The following HEATR4 variants were observed in gnomAD, a reference collection of about 807,000 sequenced individuals.
The protein encoded by HEATR4 is HEAT repeat containing 4.
A neutral mutation model predicts 108.8 loss-of-function variants in HEATR4; 95 were observed. The ratio of observed to expected loss-of-function variants is 0.87; its 90% CI spans 0.74 to 1.04. The LOEUF (loss-of-function observed/expected upper bound fraction) is 1.04. HEATR4 is among the 50% of genes least tolerant of loss of function. HEATR4 has a pLI of 0.00. For synonymous variants in HEATR4, 443 were observed against 459.4 expected, an observed-to-expected ratio of 0.96 and a Z score of 0.46; for missense variants, 1,152 against 1,253.8, an observed-to-expected ratio of 0.92 and a Z score of 1.23.
Position 73,499,148 on chromosome 14 carries a change from G to A in HEATR4, c.2287-8C>T. On this transcript the variant is annotated splice_polypyrimidine_tract_variant and splice_region_variant and intron_variant, in intron 12 of 17. Coordinates refer to ENST00000553558, the MANE Select transcript of HEATR4 (RefSeq NM_001220484.1). ...CAGGAGGCATTCAAGCACCTGGGATGGAAAAGGCAGTGTTGAGTGGGGAGG... is the reference window on the plus strand; with the variant it reads ...CAGGAGGCATTCAAGCACCTGGGATAGAAAAGGCAGTGTTGAGTGGGGAGG... 1 of 1,613,630 alleles carries A rather than the reference G, an allele frequency of 6.2e-7. No homozygotes were observed. Among genetic ancestry groups the A allele is most frequent in the Non-Finnish European group, 8.5e-7 (1 of 1,179,542 alleles).
rs769044222 is a variant in HEATR4, at chr14:73,541,111, G to A, written c.-151-10867C>T. Among the ~76,000 whole-genome samples, 38 of 113,820 alleles carry A rather than the reference G, an allele frequency of 3.3e-4. 12 individuals carry two copies. The highest frequency in any genetic ancestry group is 5.9e-4 in the Non-Finnish European group (31 of 52,644). 74.7% of individuals were successfully genotyped at this position (113,820 alleles called of 152,430 possible). A position where few individuals can be genotyped will look rare whatever the true frequency, so the allele number is the denominator to read the frequency against. On this transcript the variant is annotated intron_variant, in intron 1 of 17. Transcript: ENST00000553558. ...TGTAAATGATAAAAATATTCAGTAA[G>A]TGGAGTCATTCAGAATGAGTAGCCT... is the stretch of plus-strand genomic sequence containing the variant.
the HEATR4 span, among the ~76,000 whole-genome samples, chr14:73,610,531 T>C: frequency 6.6e-6 from 1 of 152,102 alleles, no homozygotes; most frequent in Non-Finnish European, 1.5e-5. Flanking sequence ...CCCCAAGTCA[T>C]CCGCCCCCCT....
the HEATR4 span, chr14:73,591,796 CG>C: frequency 1.6e-6 from 1 of 607,834 alleles, no homozygotes; most frequent in East Asian, 3.5e-5. Context: ...TCCGGAGCGC[CG>C]GGTTAACCGG....
the HEATR4 span, among the ~76,000 whole-genome samples, chr14:73,625,989 A>G: frequency 6.6e-6 from 1 of 152,266 alleles, no homozygotes; most frequent in African/African-American, 2.4e-5. Flanking sequence ...GCTGAAAGCC[A>G]GGCCTCTTCC....
chr14:73,599,211 TGGA>T, the HEATR4 span, among the ~76,000 whole-genome samples: 6 of 152,156 alleles, frequency 3.9e-5, no homozygotes, highest in East Asian at 9.6e-4. Context: ...TAAATCTCGG[TGGA>T]GACTTCACAT....
rs572606057 is a variant in HEATR4 at position 73,499,017 on chromosome 14, G to A, written c.2356+54C>T. 32 of 1,472,908 alleles carry A rather than the reference G, an allele frequency of 2.2e-5. No homozygotes were observed. The African/African-American group carries it at 3.7e-4, about 17-fold the overall frequency. The allele number at this position is 1,472,908 out of a possible 1,614,324, so 91.2% of individuals were successfully genotyped here. A position where few individuals can be genotyped will look rare whatever the true frequency, so the allele number is the denominator to read the frequency against. ...GAGTTTCAGGGGATCATTTCTACTT[G>A]CATAGGCAAAGGTATTTAAGGTTGA... On this transcript the variant is annotated intron_variant, in intron 13 of 17. Coordinates refer to ENST00000553558, the MANE Select transcript of HEATR4 (RefSeq NM_001220484.1).
At chr14:73,587,766 G>C in the HEATR4 span, among the ~76,000 whole-genome samples, 1 of 152,142 alleles carries the variant, frequency 6.6e-6, no homozygotes, top group Non-Finnish European at 1.5e-5. Flanking sequence ...TTGTTTCCAC[G>C]GGACCTCCCA....
Position 73,488,347 on chromosome 14 carries a change from T to C in HEATR4, c.2844+4719A>G, listed in dbSNP as rs148382755. Among the ~76,000 whole-genome samples the C allele has an allele frequency of 2.5e-3, 374 of 152,322 alleles. 1 individual carries two copies. Among genetic ancestry groups the C allele is most frequent in the African/African-American group, 8.7e-3 (363 of 41,578 alleles). Reference sequence around the variant, plus strand: ...GTGCAGTAGCGTGATCTTGACTCACTGCGACCTCCACTTCCCGGGTTCATG... The same window carrying C: ...GTGCAGTAGCGTGATCTTGACTCACCGCGACCTCCACTTCCCGGGTTCATG... On this transcript the variant is annotated intron_variant, in intron 17 of 17. Transcript: ENST00000553558.
chr14:73,502,852 T>G (rs1397208092), intron 11 of HEATR4, 43 bp downstream of exon 11: 1 of 1,500,578 alleles, frequency 6.7e-7, no homozygotes. Flanking sequence ...TAAACACTTC[T>G]AAGAATTTAG....
chr14:73,624,823 A>G, the HEATR4 span, among the ~76,000 whole-genome samples: 1 of 152,182 alleles, frequency 6.6e-6, no homozygotes, highest in East Asian at 1.9e-4. Flanking sequence ...TCATGGGGCT[A>G]TTGTGATTAA....
chr14:73,485,476 C>T (rs1885417354), intron 17 of HEATR4, among the ~76,000 whole-genome samples: 1 of 150,952 alleles, frequency 6.6e-6, no homozygotes, highest in Non-Finnish European at 1.5e-5. Flanking sequence ...CATCTCAGCT[C>T]ACTGCAACCT....
the HEATR4 span, chr14:73,573,595 G>C: frequency 6.2e-7 from 1 of 1,613,728 alleles, no homozygotes; most frequent in African/African-American, 1.3e-5. Flanking sequence ...CCCGAGGTTA[G>C]TTCTTCTTTC....
the HEATR4 span, among the ~76,000 whole-genome samples, chr14:73,591,157 G>A: frequency 6.6e-6 from 1 of 152,136 alleles, no homozygotes; most frequent in Non-Finnish European, 1.5e-5. Context: ...TGAGACAGGA[G>A]GATCACTTGA....
the HEATR4 span, among the ~76,000 whole-genome samples, chr14:73,618,387 G>A: frequency 0.76 from 115,149 of 150,860 alleles, 44,557 homozygotes; most frequent in East Asian, 0.95. Flanking sequence ...TGGGTTCGTC[G>A]GTGTATATAT....
the HEATR4 span, among the ~76,000 whole-genome samples, chr14:73,605,704 G>T: frequency 2.6e-5 from 4 of 151,466 alleles, no homozygotes; most frequent in African/African-American, 9.7e-5. Flanking sequence ...CCAAGTAGCT[G>T]GGATTACAGG....
rs770297221 is a variant in HEATR4, at chr14:73,478,578, G to A, written c.*28C>T. The A allele has an allele frequency of 8.1e-6, 12 of 1,473,834 alleles. No individual in the cohort carries two copies. The South Asian group carries it at 1.0e-4, about 13-fold the overall frequency. 91.3% of individuals were successfully genotyped at this position (1,473,834 alleles called of 1,614,324 possible). On this transcript the variant is annotated 3_prime_UTR_variant, in exon 18 of 18. Coordinates refer to ENST00000553558, the MANE Select transcript of HEATR4 (RefSeq NM_001220484.1). Reference sequence around the variant, plus strand: ...AATGTGACCAGGTCCACTGCTTCCTGCATCTTGAAGTAAGACAAGTGTTCA... The same window carrying A: ...AATGTGACCAGGTCCACTGCTTCCTACATCTTGAAGTAAGACAAGTGTTCA...
At chr14:73,577,432 T>C in the HEATR4 span, among the ~76,000 whole-genome samples, 1 of 137,512 alleles carries the variant, frequency 7.3e-6, no homozygotes, top group African/African-American at 2.7e-5. Context: ...ACACATGACC[T>C]GAGGCTCTGA....
At chr14:73,498,019 G>T in intron 14 of HEATR4, 136 bp downstream of exon 14, 1 of 720,256 alleles carries the variant, frequency 1.4e-6, no homozygotes, top group Non-Finnish European at 2.3e-6. Flanking sequence ...CTACTTGGGT[G>T]AGTGGTGAAT....
At chr14:73,616,508 C>T in the HEATR4 span, among the ~76,000 whole-genome samples, 5 of 151,908 alleles carry the variant, frequency 3.3e-5, no homozygotes, top group Non-Finnish European at 5.9e-5. Context: ...GCCTGGCCAA[C>T]ATGGCAAAAC....
Sources: gnomAD v4.1 joint callset for allele counts (sites outside exome capture counted in the v4.1 genomes callset) on GRCh38, gnomAD v4.1.1 for gene constraint, MANE v1.5 for transcripts, NCBI Gene and HGNC (gene_info 2026-07-23, HGNC 2026-07-21) for gene names.